SERGEF: variants seen among roughly 807,000 people sequenced by gnomAD.
SERGEF encodes secretion-regulating guanine nucleotide exchange factor.
Under a neutral mutation model 50.0 loss-of-function variants are expected in SERGEF, and 51 were observed. The ratio of observed to expected loss-of-function variants is 1.02; its 90% CI spans 0.81 to 1.29. The LOEUF (loss-of-function observed/expected upper bound fraction) is 1.29. SERGEF is among the 50% of genes most tolerant of loss of function. The probability of loss-of-function intolerance (pLI) is 0.00; values close to 1 mark genes in which losing one functional copy is unlikely to be tolerated. For synonymous variants in SERGEF, 205 were observed against 212.4 expected (o/e 0.97, Z 0.30); for missense variants, 521 against 557.0 (o/e 0.94, Z 0.65).
intron 10 of SERGEF, among the ~76,000 whole-genome samples, chr11:17,805,571 T>C (rs1009711204): frequency 6.6e-6 from 1 of 152,238 alleles, no homozygotes; most frequent in African/African-American, 2.4e-5. Flanking sequence ...AGGTGGCTCA[T>C]TTCAGAGCTG....
In SERGEF at chr11:17,984,702, A is replaced by G. The variant is rs1328047382; in HGVS notation, c.844+3895T>C. On this transcript the variant is annotated intron_variant, in intron 8 of 10. Coordinates refer to ENST00000265965, the MANE Select transcript of SERGEF (RefSeq NM_012139.4). ...TGACAATGGAGACAGAGAGAGGTGG[A>G]GCTGCCCACAGTCACACAATCAGTA... Among the ~76,000 whole-genome samples the G allele has an allele frequency of 2.6e-5, 4 of 152,320 alleles. No individual in the cohort carries two copies. In the East Asian group the frequency reaches 7.7e-4, roughly 29 times the overall value.
chr11:17,958,906 C>G (rs536684906), intron 9 of SERGEF, among the ~76,000 whole-genome samples: 4 of 152,110 alleles, frequency 2.6e-5, no homozygotes, highest in Non-Finnish European at 4.4e-5. Flanking sequence ...GCCCCCACCC[C>G]CCTCCAGGCT....
chr11:17,868,213 C>T (rs187497783), intron 10 of SERGEF, among the ~76,000 whole-genome samples: 48 of 152,300 alleles, frequency 3.2e-4, no homozygotes, highest in Non-Finnish European at 4.9e-4. Context: ...TAAAACTGAA[C>T]GCCTTTAACA....
intron 9 of SERGEF, among the ~76,000 whole-genome samples, chr11:17,880,357 C>G (rs1851313981): frequency 6.6e-6 from 1 of 152,010 alleles, no homozygotes; most frequent in Admixed American, 6.6e-5. Context: ...GAAGATATTT[C>G]GATTGAAGAA....
intron 10 of SERGEF, among the ~76,000 whole-genome samples, chr11:17,844,277 C>T (rs943039165): frequency 2.0e-5 from 3 of 152,066 alleles, no homozygotes; most frequent in African/African-American, 7.2e-5. Context: ...ATTCACATGA[C>T]ATTTTATGTA....
In SERGEF at chr11:17,801,912, G is replaced by C. The variant is rs191785963; in HGVS notation, c.1049-13499C>G. Among the ~76,000 whole-genome samples, 14 of 152,124 alleles carry C rather than the reference G, an allele frequency of 9.2e-5. No individual in the cohort carries two copies. In the East Asian group the frequency reaches 1.9e-3, roughly 21 times the overall value. On this transcript the variant is annotated intron_variant, in intron 10 of 10. Transcript: ENST00000265965. ...TTTTCTTGAATGAAGTGCTTGACTG[G>C]GATGCATACATACTACATGGGCTAA...
intron 10 of SERGEF, among the ~76,000 whole-genome samples, chr11:17,813,385 T>TCAAAAC (rs1849908540): frequency 6.6e-6 from 1 of 152,154 alleles, no homozygotes; most frequent in Non-Finnish European, 1.5e-5. Context: ...AAAGCAGGGT[T>TCAAAAC]CCAGTCTTCT....
At chr11:17,837,745 C>G (rs1279435331) in intron 10 of SERGEF, among the ~76,000 whole-genome samples, 1 of 150,678 alleles carries the variant, frequency 6.6e-6, no homozygotes, top group Non-Finnish European at 1.5e-5. Flanking sequence ...ACAGCAACCT[C>G]TGCTTCCCGG....
chr11:17,932,909 A>C (rs1852382433), intron 9 of SERGEF, among the ~76,000 whole-genome samples: 1 of 152,182 alleles, frequency 6.6e-6, no homozygotes, highest in South Asian at 2.1e-4. Flanking sequence ...ATGGACAATC[A>C]TGTAATAAAA....
At chr11:17,988,037 A>C (rs1853636357) in intron 8 of SERGEF, among the ~76,000 whole-genome samples, 1 of 152,200 alleles carries the variant, frequency 6.6e-6, no homozygotes, top group African/African-American at 2.4e-5. Context: ...ATGAGAAATA[A>C]ACGAAGATTC....
At chr11:17,914,135 C>G (rs892711951) in intron 9 of SERGEF, among the ~76,000 whole-genome samples, 2 of 152,222 alleles carry the variant, frequency 1.3e-5, no homozygotes, top group East Asian at 3.8e-4. Flanking sequence ...TCCCTGAACT[C>G]AGTCTGTGAT....
At position 18,008,085 on chromosome 11, in the gene SERGEF, G is replaced by A. The variant is rs187909972; in HGVS notation, c.61-9C>T. On this transcript the variant is annotated splice_polypyrimidine_tract_variant and intron_variant, in intron 1 of 10. Transcript: ENST00000265965. ...CCATAGCTATTTGCACCCTAGGGAT[G>A]AATAAGCCAAGGATGAAAAAGTGTG... 7 of 1,609,924 alleles carry A rather than the reference G, an allele frequency of 4.3e-6. No individual in the cohort carries two copies. In the African/African-American group the frequency reaches 6.7e-5, roughly 15 times the overall value.
At chr11:17,945,805 AAAAC>A (rs1165021190) in intron 9 of SERGEF, among the ~76,000 whole-genome samples, 1 of 152,058 alleles carries the variant, frequency 6.6e-6, no homozygotes, top group Non-Finnish European at 1.5e-5. Flanking sequence ...AACAAAAGCA[AAAAC>A]AAACAAACAA....
In SERGEF at chr11:17,888,661, ACACACACACACACACACG is replaced by A. The variant is rs753755563; in HGVS notation, c.1012-10435_1012-10418del. On this transcript the variant is annotated intron_variant, in intron 9 of 10. Coordinates refer to ENST00000265965, the MANE Select transcript of SERGEF (RefSeq NM_012139.4). This position sits in a 1 kb window ranked among gnomAD's most constrained non-coding sequence, Gnocchi z 4.1. ...CACACACACACACACACACACACAC[ACACACACACACACACACG>A]CATTGAGTTAAACCAACATGAAATT... Among the ~76,000 whole-genome samples the A allele has an allele frequency of 7.5e-6, 1 of 132,642 alleles. No homozygotes were observed. The highest frequency in any genetic ancestry group is 1.8e-5 in the Non-Finnish European group (1 of 56,860). The allele number at this position is 132,642 out of a possible 152,430, so 87.0% of individuals were successfully genotyped here. A position where few individuals can be genotyped will look rare whatever the true frequency, so the allele number is the denominator to read the frequency against.
intron 10 of SERGEF, among the ~76,000 whole-genome samples, chr11:17,833,278 C>G (rs893651785): frequency 3.3e-5 from 5 of 152,210 alleles, no homozygotes; most frequent in African/African-American, 1.2e-4. Flanking sequence ...GTGCGAACCT[C>G]AAACCTTGGC....
intron 10 of SERGEF, among the ~76,000 whole-genome samples, chr11:17,858,275 T>G (rs1305192740): frequency 1.3e-5 from 2 of 152,076 alleles, no homozygotes; most frequent in Non-Finnish European, 2.9e-5. Flanking sequence ...CTGGCGAAAC[T>G]GACCCAGGGC....
chr11:17,936,437 T>C (rs1453854267), intron 9 of SERGEF, among the ~76,000 whole-genome samples: 1 of 152,244 alleles, frequency 6.6e-6, no homozygotes, highest in African/African-American at 2.4e-5. Context: ...ATATCAGCAT[T>C]ACGATTTGAA....
intron 10 of SERGEF, chr11:17,853,505 C>T (rs117449403): frequency 0.013 from 1,915 of 152,322 alleles, 31 homozygotes; most frequent in Middle Eastern, 0.078. Context: ...AGCTGCTACA[C>T]AAAGTCATTA....
intron 6 of SERGEF, 41 bp from the exon 7 acceptor site, chr11:17,993,034 A>C (rs767743122): frequency 6.4e-7 from 1 of 1,568,622 alleles, no homozygotes; most frequent in South Asian, 1.1e-5. Flanking sequence ...CATTTATAAC[A>C]GAACAAACTG....
Sources: gnomAD v4.1 joint callset for allele counts (sites outside exome capture counted in the v4.1 genomes callset) on GRCh38, gnomAD v4.1.1 for gene constraint, Gnocchi (gnomAD v3.1) non-coding constraint, MANE v1.5 for transcripts, NCBI Gene and HGNC (gene_info 2026-07-23, HGNC 2026-07-21) for gene names.